DHX57: variants seen among roughly 807,000 people sequenced by gnomAD.
DHX57 encodes DExH-box helicase 57.
A neutral mutation model predicts 156.2 loss-of-function variants in DHX57; 105 were observed. The ratio of observed to expected loss-of-function variants is 0.67; its 90% CI spans 0.57 to 0.79. The LOEUF is 0.79. Ranked by LOEUF, DHX57 falls within the 30% of genes least tolerant of loss-of-function variation. The pLI is 0.00. For missense variants in DHX57, 1,847 were observed against 1,661.9 expected (o/e 1.11, Z -1.94); for synonymous variants, 704 against 595.6 (o/e 1.18, Z -2.65).
chr2:38,822,698 A>T (rs1320991216), intron 17 of DHX57, among the ~76,000 whole-genome samples: 2 of 152,068 alleles, frequency 1.3e-5, no homozygotes, highest in Non-Finnish European at 2.9e-5. Flanking sequence ...CTTGGCCTGG[A>T]TTACTTTTAA....
chr2:38,819,569 ATCAGTGGG>A (rs1364156601), intron 17 of DHX57, among the ~76,000 whole-genome samples: 3 of 152,182 alleles, frequency 2.0e-5, no homozygotes, highest in African/African-American at 7.2e-5. Context: ...AAAAAGTGTA[ATCAGTGGG>A]TCAGCTAATG....
intron 16 of DHX57, among the ~76,000 whole-genome samples, chr2:38,823,542 T>A (rs1407394357): frequency 6.6e-6 from 1 of 152,152 alleles, no homozygotes; most frequent in African/African-American, 2.4e-5. Flanking sequence ...CAAAAGATAA[T>A]AAGTGTTGGC....
rs1399850200 is a variant in DHX57, at chr2:38,858,641, A to G, written c.1587+20T>C. The G allele has an allele frequency of 6.3e-7, 1 of 1,597,370 alleles. No individual in the cohort carries two copies. The highest frequency in any genetic ancestry group is 8.5e-7 in the Non-Finnish European group (1 of 1,173,610). ...AGATATTAGGGAGGCAACGTTACTC[A>G]TTCTCTCAGCATACCCTACCTGTTT... On this transcript the variant is annotated intron_variant, in intron 6 of 23. Transcript: ENST00000457308.
chr2:38,856,506 T>G (rs755844039), intron 6 of DHX57, 45 bp from the exon 7 acceptor site: 112 of 823,330 alleles, frequency 1.4e-4, no homozygotes, highest in Non-Finnish European at 3.3e-6. Flanking sequence ...ACTTTTTCTT[T>G]TTTTTTTTTT....
At chr2:38,872,420 C>A (rs1665397816) in intron 1 of DHX57, among the ~76,000 whole-genome samples, 1 of 152,104 alleles carries the variant, frequency 6.6e-6, no homozygotes, top group Non-Finnish European at 1.5e-5. Context: ...TAAAGCAGTC[C>A]AATCAAAAGA....
intron 14 of DHX57, among the ~76,000 whole-genome samples, chr2:38,827,293 C>T (rs1671135100): frequency 6.6e-6 from 1 of 150,646 alleles, no homozygotes; most frequent in Non-Finnish European, 1.5e-5. Flanking sequence ...AATTGATATT[C>T]TACAACCAAC....
intron 21 of DHX57, among the ~76,000 whole-genome samples, chr2:38,813,373 T>C (rs112172133): frequency 6.6e-6 from 1 of 151,830 alleles, no homozygotes; most frequent in East Asian, 1.9e-4. Flanking sequence ...AAATGTATAC[T>C]AAGTTTTTTT....
At chr2:38,819,452 A>G (rs1393275969) in intron 17 of DHX57, among the ~76,000 whole-genome samples, 1 of 152,236 alleles carries the variant, frequency 6.6e-6, no homozygotes, top group Non-Finnish European at 1.5e-5. Context: ...CTGGCATTAT[A>G]GGCATGAGCC....
At chr2:38,845,193 TA>T (rs199749756) in intron 11 of DHX57, among the ~76,000 whole-genome samples, 10 of 147,030 alleles carry the variant, frequency 6.8e-5, no homozygotes, top group African/African-American at 2.5e-4. Context: ...GAGGCTGTCT[TA>T]AAAAAAAACA....
intron 11 of DHX57, among the ~76,000 whole-genome samples, chr2:38,846,467 A>C (rs1397632523): frequency 2.0e-5 from 3 of 151,798 alleles, no homozygotes; most frequent in Non-Finnish European, 4.4e-5. Context: ...AAAACCATTA[A>C]AAAAAATTAG....
Position 38,861,097 on chromosome 2 carries a change from T to C in DHX57, c.1313A>G (p.Asn438Ser), listed in dbSNP as rs760054181. 4.3e-6 allele frequency: 7 copies of C among 1,614,108 alleles called. No homozygotes were observed. The East Asian group carries it at 8.9e-5, about 21-fold the overall frequency. ...THHKYSDPPV[N>S]FLPVPSRTRI... is the part of the protein sequence containing the mutation. The stretch of plus-strand genomic sequence containing the variant: ...GGTCCTAGAGGGTACTGGCAGAAAG[T>C]TCACAGGAGGGTCACTATACTTGTG... Residue 438 changes from asparagine to serine, a missense_variant, in exon 5 of 24, where the codon AAC (asparagine) becomes AGC (serine). Asn to Ser is a conservative substitution (Grantham distance 46, BLOSUM62 1). Coordinates refer to ENST00000457308, the MANE Select transcript of DHX57 (RefSeq NM_198963.3).
At chr2:38,827,127 G>A (rs904507784) in intron 14 of DHX57, among the ~76,000 whole-genome samples, 4 of 141,730 alleles carry the variant, frequency 2.8e-5, no homozygotes, top group South Asian at 2.4e-4. Context: ...GTGAGACTCC[G>A]TCTCGAAAAA....
In DHX57 at chr2:38,821,916, G is replaced by GA. The variant is rs1008825886; in HGVS notation, c.3291+1076dup. On this transcript the variant is annotated intron_variant, in intron 17 of 23. Transcript: ENST00000457308. The stretch of plus-strand genomic sequence containing the variant: ...TAAGTTAGACAAAATAAAATTCCTA[G>GA]AAAAAAATAAACTATCACAACTGAC... Among the ~76,000 whole-genome samples the GA allele has an allele frequency of 8.6e-5, 13 of 151,908 alleles. No individual in the cohort carries two copies. The South Asian group carries it at 1.9e-3, about 22-fold the overall frequency.
At chr2:38,825,170 T>A (rs898544644) in intron 16 of DHX57, among the ~76,000 whole-genome samples, 2 of 152,270 alleles carry the variant, frequency 1.3e-5, no homozygotes, top group African/African-American at 2.4e-5. Context: ...CCAATCTATA[T>A]ACACACAATT....
In DHX57 at chr2:38,861,034, G is replaced by C. The variant is rs375882345; in HGVS notation, c.1376C>G (p.Pro459Arg). ...NNPACHKTVI[P>R]NNSFVSNQIP... Reference sequence around the variant, plus strand: ...TTGATTAGAAACAAAAGAATTATTTGGAATCACTGTTTTATGACAGGCAGG... The same window carrying C: ...TTGATTAGAAACAAAAGAATTATTTCGAATCACTGTTTTATGACAGGCAGG... Residue 459 changes from proline (P) to arginine (R), a missense_variant, in exon 5 of 24, where the codon CCA (proline) becomes CGA (arginine). Pro to Arg is a moderately radical substitution (Grantham distance 103, BLOSUM62 -2). Coordinates refer to ENST00000457308, the MANE Select transcript of DHX57 (RefSeq NM_198963.3). 4 of 1,613,708 alleles carry C rather than the reference G, an allele frequency of 2.5e-6. No homozygotes were observed. In the South Asian group the frequency reaches 3.3e-5, roughly 13 times the overall value.
At position 38,843,101 on chromosome 2, in the gene DHX57, G is replaced by A; in HGVS notation, c.2329C>T (p.Leu777=). Residue 777 remains leucine (L), a synonymous_variant, in exon 12 of 24, where the codon CTA becomes TTA. Transcript: ENST00000457308. Reference sequence around the variant, plus strand: ...TCCTGGAGGTGAAGGGAGAGCCTTAGGTCTTCTTCCACTTCTTCAAATGCA... The same window carrying A: ...TCCTGGAGGTGAAGGGAGAGCCTTAAGTCTTCTTCCACTTCTTCAAATGCA... The part of the protein sequence containing the change: ...RTAFEEVEED[L]RLSLHLQDQD... 1 of 1,614,140 alleles carries A rather than the reference G, an allele frequency of 6.2e-7. No individual in the cohort carries two copies. Among genetic ancestry groups the A allele is most frequent in the Non-Finnish European group, 8.5e-7 (1 of 1,180,016 alleles).
chr2:38,865,840 C>T lies in DHX57; in HGVS notation c.225-2321G>A, dbSNP rs992466463. Among the ~76,000 whole-genome samples the T allele has an allele frequency of 2.6e-5, 4 of 152,068 alleles. No homozygotes were observed. In the South Asian group the frequency reaches 8.3e-4, roughly 32 times the overall value. ...ACCTCAGATTTATATATTAAATTAT[C>T]TATTTTATATCTACACTTGGAGAAC... On this transcript the variant is annotated intron_variant, in intron 2 of 23. Coordinates refer to ENST00000457308, the MANE Select transcript of DHX57 (RefSeq NM_198963.3).
intron 22 of DHX57, among the ~76,000 whole-genome samples, chr2:38,805,147 C>A (rs1029012918): frequency 6.6e-6 from 1 of 152,072 alleles, no homozygotes; most frequent in Non-Finnish European, 1.5e-5. Context: ...ACAACAACAA[C>A]AAAAAGTATA....
chr2:38,831,774 T>C lies in DHX57; in HGVS notation c.2543-3338A>G, dbSNP rs559408554. On this transcript the variant is annotated intron_variant, in intron 13 of 23. Transcript: ENST00000457308. ...CGGGAGGCTGAGGCAGGAGAATCAC[T>C]TGAACCCGGGAGGCGGAGGTTGCAG... Among the ~76,000 whole-genome samples, 17 of 151,638 alleles carry C rather than the reference T, an allele frequency of 1.1e-4. No individual in the cohort carries two copies. In the East Asian group the frequency reaches 3.3e-3, roughly 30 times the overall value.
Sources: allele counts gnomAD v4.1 joint callset (sites outside exome capture counted in the v4.1 genomes callset), GRCh38; gene constraint gnomAD v4.1.1; transcripts MANE v1.5; gene names NCBI Gene and HGNC (gene_info 2026-07-23, HGNC 2026-07-21).